CFAP77: variants seen among roughly 807,000 people sequenced by gnomAD.
CFAP77 encodes cilia- and flagella-associated protein 77.
Under a neutral mutation model 31.1 loss-of-function variants are expected in CFAP77, and 25 were observed. The ratio of observed to expected loss-of-function variants is 0.80; its 90% CI spans 0.59 to 1.12. The LOEUF (loss-of-function observed/expected upper bound fraction) is 1.12, where lower values mean the gene tolerates loss of function less well. CFAP77 is among the 50% of genes most tolerant of loss of function. CFAP77 has a pLI of 0.00. For missense variants in CFAP77, 377 were observed against 397.3 expected, an observed-to-expected ratio of 0.95 and a Z score of 0.44; for synonymous variants, 151 against 159.9, an observed-to-expected ratio of 0.94 and a Z score of 0.42.
chr9:132,463,357 A>G (rs1851093520), intron 1 of CFAP77, among the ~76,000 whole-genome samples: 1 of 152,172 alleles, frequency 6.6e-6, no homozygotes, highest in Admixed American at 6.5e-5. Flanking sequence ...AGAAATGGCC[A>G]TTGCCTGGGA....
Position 132,450,058 on chromosome 9 carries a change from G to GCCCGCCACCATGCCCACA in CFAP77, c.195+39603_195+39620dup, listed in dbSNP as rs1243336407. Among the ~76,000 whole-genome samples, 6 of 151,974 alleles carry GCCCGCCACCATGCCCACA rather than the reference G, an allele frequency of 3.9e-5. No individual in the cohort carries two copies. In the South Asian group the frequency reaches 1.0e-3, roughly 26 times the overall value. On this transcript the variant is annotated intron_variant, in intron 1 of 5. Transcript: ENST00000393216. ...CTCCTGAGTAGCTGGGACTACTGGT[G>GCCCGCCACCATGCCCACA]CCCGCCACCATGCCCACACCCGCCA...
At chr9:132,570,508 G>GCTGT (rs1472241731) in intron 5 of CFAP77, among the ~76,000 whole-genome samples, 1 of 152,200 alleles carries the variant, frequency 6.6e-6, no homozygotes, top group Non-Finnish European at 1.5e-5. Flanking sequence ...GAGAAATGCT[G>GCTGT]CCATGGAGGG....
chr9:132,522,131 G>T (rs923982163), intron 3 of CFAP77, among the ~76,000 whole-genome samples: 5 of 152,136 alleles, frequency 3.3e-5, no homozygotes, highest in Non-Finnish European at 7.4e-5. Flanking sequence ...GGGGGCTGTT[G>T]CAGGGTCCAA....
In CFAP77 at chr9:132,501,603, A is replaced by G. The variant is rs781665033; in HGVS notation, c.524+2003A>G. On this transcript the variant is annotated intron_variant, in intron 3 of 5. Transcript: ENST00000393216. The surrounding 1 kb of genome is among the most constrained non-coding windows in gnomAD (Gnocchi z 4.6). ...TTTATAGTAGAGACGGGGTTTCACC[A>G]TGTTGGCCAGGCTGGTCTTGAACTC... 9.9e-5 allele frequency among the ~76,000 whole-genome samples: 15 copies of G among 152,160 alleles called. No homozygotes were observed. The highest frequency in any genetic ancestry group is 2.2e-4 in the Non-Finnish European group (15 of 67,996).
chr9:132,565,112 C>A lies in CFAP77; in HGVS notation c.733-7276C>A, dbSNP rs577446750. ...TTATCCCAGGAGGGAACTATGATTC[C>A]TAGGCAGATGGAGTAGAAATCTCTT... On this transcript the variant is annotated intron_variant, in intron 5 of 5. Coordinates refer to ENST00000393216, the MANE Select transcript of CFAP77 (RefSeq NM_001282957.2). The surrounding 1 kb of genome is among the most constrained non-coding windows in gnomAD (Gnocchi z 4.1). Among the ~76,000 whole-genome samples, 1 of 151,660 alleles carries A rather than the reference C, an allele frequency of 6.6e-6. No individual in the cohort carries two copies. The highest frequency in any genetic ancestry group is 2.1e-4 in the South Asian group (1 of 4,782).
At chr9:132,425,996 T>C (rs965000829) in intron 1 of CFAP77, among the ~76,000 whole-genome samples, 7 of 152,226 alleles carry the variant, frequency 4.6e-5, no homozygotes, top group Non-Finnish European at 7.3e-5. Context: ...AAAATCTACA[T>C]GAAAGTGACT....
At chr9:132,523,444 C>T (rs1056527732) in intron 3 of CFAP77, among the ~76,000 whole-genome samples, 1 of 152,208 alleles carries the variant, frequency 6.6e-6, no homozygotes, top group Non-Finnish European at 1.5e-5. Context: ...TACTGTATGT[C>T]TCCTCCCCTG....
At position 132,498,863 on chromosome 9, in the gene CFAP77, C is replaced by CT. The variant is rs772391723; in HGVS notation, c.295+71dup. Reference sequence around the variant, plus strand: ...GAGGCTCACCCCTCTTCACAGACCCCTTGACCTAGCTCGCTGCTTGGCAGC... The same window carrying CT: ...GAGGCTCACCCCTCTTCACAGACCCCTTTGACCTAGCTCGCTGCTTGGCAGC... On this transcript the variant is annotated intron_variant, in intron 2 of 5. Transcript: ENST00000393216. The surrounding 1 kb of genome is among the most constrained non-coding windows in gnomAD (Gnocchi z 4.2). The CT allele has an allele frequency of 6.7e-4, 747 of 1,117,678 alleles. No individual in the cohort carries two copies. The highest frequency in any genetic ancestry group is 1.8e-3 in the Admixed American group (86 of 47,998). 69.2% of individuals were successfully genotyped at this position (1,117,678 alleles called of 1,614,324 possible).
At chr9:132,507,556 TAAAA>T (rs1369697782) in intron 3 of CFAP77, among the ~76,000 whole-genome samples, 1 of 152,170 alleles carries the variant, frequency 6.6e-6, no homozygotes, top group South Asian at 2.1e-4. Context: ...TACAGGCTGT[TAAAA>T]AAATGTTTGC....
intron 1 of CFAP77, among the ~76,000 whole-genome samples, chr9:132,443,890 CA>C (rs1850661718): frequency 1.3e-5 from 2 of 152,234 alleles, no homozygotes; most frequent in Non-Finnish European, 2.9e-5. Flanking sequence ...TTTGCACCCA[CA>C]ACACTGCCTG....
At chr9:132,502,611 A>T (rs1472343366) in intron 3 of CFAP77, among the ~76,000 whole-genome samples, 2 of 152,152 alleles carry the variant, frequency 1.3e-5, no homozygotes, top group Non-Finnish European at 2.9e-5. Flanking sequence ...TATTTCATTT[A>T]TGTAATACCC....
rs545386316 is a variant in CFAP77, at chr9:132,552,089, G to A, written c.732+9042G>A. ...CTGATCCCGGATTCAGGCTTACTGC[G>A]TTAAAAGTGGGAGGCTGAGGCTGAG... On this transcript the variant is annotated intron_variant, in intron 5 of 5. Transcript: ENST00000393216. This position sits in a 1 kb window ranked among gnomAD's most constrained non-coding sequence, Gnocchi z 5.5. 6.6e-6 allele frequency among the ~76,000 whole-genome samples: 1 copy of A among 152,248 alleles called. No individual in the cohort carries two copies. Among genetic ancestry groups the A allele is most frequent in the Non-Finnish European group, 1.5e-5 (1 of 68,050 alleles).
At chr9:132,546,311 T>A (rs374740235) in intron 5 of CFAP77, among the ~76,000 whole-genome samples, 2 of 152,104 alleles carry the variant, frequency 1.3e-5, no homozygotes, top group African/African-American at 4.8e-5. Flanking sequence ...CTGTCTGTGG[T>A]GTCTGTCACG....
rs1362543674 is a variant in CFAP77 at position 132,412,626 on chromosome 9, T to TG, written c.195+2160_195+2161insG. ...GTTTGTTTGTTTTGTGCTTTTTTTT[T>TG]TTTGTTTGTTTGTTTGTTTTGCTCA... On this transcript the variant is annotated intron_variant, in intron 1 of 5. Transcript: ENST00000393216. Among the ~76,000 whole-genome samples the TG allele has an allele frequency of 1.9e-4, 29 of 151,188 alleles. No individual in the cohort carries two copies. The South Asian group carries it at 3.5e-3, about 18-fold the overall frequency.
intron 5 of CFAP77, among the ~76,000 whole-genome samples, chr9:132,547,506 T>TCATGCTGGGCCCTGTTCC (rs757713152): frequency 2.6e-5 from 4 of 152,190 alleles, no homozygotes; most frequent in Non-Finnish European, 5.9e-5. Flanking sequence ...ACATGCGCCT[T>TCATGCTGGGCCCTGTTCC]CATGCTGGGC....
At chr9:132,425,417 C>G (rs991928535) in intron 1 of CFAP77, among the ~76,000 whole-genome samples, 6 of 152,110 alleles carry the variant, frequency 3.9e-5, no homozygotes, top group African/African-American at 7.2e-5. Flanking sequence ...AATGCTCCCC[C>G]CTCCTTATCC....
intron 1 of CFAP77, among the ~76,000 whole-genome samples, chr9:132,477,041 G>C (rs1015415162): frequency 6.6e-6 from 1 of 152,198 alleles, no homozygotes; most frequent in African/African-American, 2.4e-5. Context: ...TCTTGGGGCT[G>C]CCGGAGCTGC....
At chr9:132,438,163 C>T (rs1028322259) in intron 1 of CFAP77, among the ~76,000 whole-genome samples, 1 of 139,176 alleles carries the variant, frequency 7.2e-6, no homozygotes, top group African/African-American at 2.7e-5. Flanking sequence ...GATTGCACCA[C>T]TGCCTTCTAG....
intron 1 of CFAP77, chr9:132,482,213 C>A: frequency 1.5e-6 from 1 of 657,758 alleles, no homozygotes; most frequent in Non-Finnish European, 2.7e-6. Flanking sequence ...TCATAGGGAG[C>A]CTTTTTCTTA....
Sources: gnomAD v4.1 joint callset for allele counts (sites outside exome capture counted in the v4.1 genomes callset) on GRCh38, gnomAD v4.1.1 for gene constraint, Gnocchi (gnomAD v3.1) non-coding constraint, MANE v1.5 for transcripts, NCBI Gene and HGNC (gene_info 2026-07-23, HGNC 2026-07-21) for gene names.